The following PDSS2 variants were observed in gnomAD, a reference collection of about 807,000 sequenced individuals.
The protein encoded by PDSS2 is all trans-polyprenyl-diphosphate synthase PDSS2.
A neutral mutation model predicts 44.5 loss-of-function variants in PDSS2; 31 were observed. The observed-to-expected ratio is 0.70, with a 90% CI of 0.52 to 0.94. The LOEUF (loss-of-function observed/expected upper bound fraction) is 0.94, where lower values mean the gene tolerates loss of function less well. Ranked by LOEUF, PDSS2 falls within the 40% of genes least tolerant of loss-of-function variation. The probability of loss-of-function intolerance (pLI) is 0.00; values close to 1 mark genes in which losing one functional copy is unlikely to be tolerated. For missense variants in PDSS2, 452 were observed against 482.2 expected, an observed-to-expected ratio of 0.94 and a Z score of 0.59; for synonymous variants, 157 against 180.3, an observed-to-expected ratio of 0.87 and a Z score of 1.03.
At chr6:107,225,462 C>T (rs150160472) in intron 4 of PDSS2, among the ~76,000 whole-genome samples, 2 of 151,702 alleles carry the variant, frequency 1.3e-5, no homozygotes, top group Non-Finnish European at 2.9e-5. Context: ...TCTTCACTAT[C>T]TTTTATAACC....
chr6:107,404,632 T>C (rs767023023), intron 1 of PDSS2, among the ~76,000 whole-genome samples: 11 of 152,264 alleles, frequency 7.2e-5, no homozygotes, highest in Admixed American at 4.6e-4. Context: ...GGAACTGCCA[T>C]TTATAAAACC....
intron 1 of PDSS2, among the ~76,000 whole-genome samples, chr6:107,344,953 A>G (rs1778194811): frequency 6.6e-6 from 1 of 152,118 alleles, no homozygotes; most frequent in African/African-American, 2.4e-5. Flanking sequence ...GTCACACTGA[A>G]AACTCTCAAA....
chr6:107,160,532 T>G (rs956892433), intron 7 of PDSS2, among the ~76,000 whole-genome samples: 4 of 150,886 alleles, frequency 2.7e-5, no homozygotes, highest in African/African-American at 9.8e-5. Flanking sequence ...TTTTTTTTTT[T>G]GTAGAGACAC....
chr6:107,373,844 C>T (rs1779200070), intron 1 of PDSS2, among the ~76,000 whole-genome samples: 1 of 152,178 alleles, frequency 6.6e-6, no homozygotes, highest in African/African-American at 2.4e-5. Flanking sequence ...TCTAGCATGG[C>T]CCTCTGCTCC....
In PDSS2 at chr6:107,158,374, G is replaced by A. The variant is rs573828951; in HGVS notation, c.1042-3597C>T. Among the ~76,000 whole-genome samples the A allele has an allele frequency of 1.5e-4, 23 of 151,718 alleles. 1 individual carries two copies. The highest frequency in any genetic ancestry group is 2.9e-4 in the Non-Finnish European group (20 of 67,948). On this transcript the variant is annotated intron_variant, in intron 7 of 7. Transcript: ENST00000369037. ...TAATTTTTTTATTTTTAGTGGAGAC[G>A]GGGTTTCTCCATCTTGGCCAGGCTG...
At chr6:107,312,591 G>A (rs1347805895) in intron 2 of PDSS2, among the ~76,000 whole-genome samples, 3 of 152,148 alleles carry the variant, frequency 2.0e-5, no homozygotes, top group African/African-American at 7.2e-5. Flanking sequence ...GATTCAGTGA[G>A]CTGACACATG....
intron 7 of PDSS2, among the ~76,000 whole-genome samples, chr6:107,182,701 G>A: frequency 6.6e-6 from 1 of 152,084 alleles, no homozygotes; most frequent in South Asian, 2.1e-4. Flanking sequence ...ACTGATCAGT[G>A]ATTATTTTTC....
At chr6:107,254,593 A>T (rs1355119263) in intron 3 of PDSS2, among the ~76,000 whole-genome samples, 1 of 152,214 alleles carries the variant, frequency 6.6e-6, no homozygotes, top group Non-Finnish European at 1.5e-5. Context: ...TGTTGTACTC[A>T]GGATATACCA....
rs1772086259 is a variant in PDSS2 at position 107,184,187 on chromosome 6, A to T, written c.1041+9635T>A. Among the ~76,000 whole-genome samples, 5 of 152,278 alleles carry T rather than the reference A, an allele frequency of 3.3e-5. No homozygotes were observed. In the South Asian group the frequency reaches 1.0e-3, roughly 32 times the overall value. On this transcript the variant is annotated intron_variant, in intron 7 of 7. Coordinates refer to ENST00000369037, the MANE Select transcript of PDSS2 (RefSeq NM_020381.4). ...GGTACAGGAAAGAGAAAACACAGCA[A>T]CAACTGTTTTCTAAATGTGCCAATG...
intron 2 of PDSS2, among the ~76,000 whole-genome samples, chr6:107,294,352 T>C (rs995737850): frequency 2.6e-5 from 4 of 152,096 alleles, no homozygotes; most frequent in South Asian, 2.1e-4. Flanking sequence ...TCCCCCCAAA[T>C]ACTTCACCAA....
At chr6:107,458,345 C>T (rs1374580810) in intron 1 of PDSS2, among the ~76,000 whole-genome samples, 16 of 141,256 alleles carry the variant, frequency 1.1e-4, no homozygotes, top group African/African-American at 4.2e-4. Context: ...CAAAATTAGC[C>T]GGACGTGGTG....
chr6:107,426,551 G>A (rs372904525), intron 1 of PDSS2, among the ~76,000 whole-genome samples: 4 of 152,230 alleles, frequency 2.6e-5, no homozygotes, highest in African/African-American at 4.8e-5. Context: ...ACCCCAGAAC[G>A]GTAGATCCAC....
intron 1 of PDSS2, among the ~76,000 whole-genome samples, chr6:107,445,237 A>G (rs953070895): frequency 2.6e-5 from 4 of 151,968 alleles, no homozygotes; most frequent in Admixed American, 2.6e-4. Context: ...AGTTAGGGAA[A>G]CAGTAATAAA....
At chr6:107,264,259 G>A (rs1775339647) in intron 3 of PDSS2, 3 of 1,342,556 alleles carry the variant, frequency 2.2e-6, no homozygotes, top group African/African-American at 1.5e-5. Flanking sequence ...GAGCATATTT[G>A]TACAAACAAA....
At chr6:107,193,546 A>T (rs1193400054) in intron 7 of PDSS2, among the ~76,000 whole-genome samples, 3 of 151,732 alleles carry the variant, frequency 2.0e-5, no homozygotes, top group Non-Finnish European at 4.4e-5. Context: ...GATTTTCCCC[A>T]CTAGAATTGT....
At chr6:107,404,826 G>C (rs921172193) in intron 1 of PDSS2, among the ~76,000 whole-genome samples, 2 of 151,940 alleles carry the variant, frequency 1.3e-5, no homozygotes, top group Non-Finnish European at 2.9e-5. Context: ...TATTCCTGAG[G>C]GAGAGGAAAA....
chr6:107,171,625 C>T (rs1771580898), intron 7 of PDSS2, among the ~76,000 whole-genome samples: 1 of 152,024 alleles, frequency 6.6e-6, no homozygotes, highest in Non-Finnish European at 1.5e-5. Flanking sequence ...ATCTTCCCAC[C>T]TTAGCCTTCC....
chr6:107,210,287 C>G, intron 6 of PDSS2, 152 bp downstream of exon 6: 1 of 667,040 alleles, frequency 1.5e-6, no homozygotes, highest in Non-Finnish European at 2.6e-6. Flanking sequence ...TCTTTTACCT[C>G]TTAAAAACGA....
chr6:107,294,847 T>G (rs1484735702), intron 2 of PDSS2, among the ~76,000 whole-genome samples: 1 of 152,142 alleles, frequency 6.6e-6, no homozygotes, highest in Non-Finnish European at 1.5e-5. Context: ...CCTCATTGCC[T>G]CCCTAAAGAA....
Sources: gnomAD v4.1 joint callset for allele counts (sites outside exome capture counted in the v4.1 genomes callset) on GRCh38, gnomAD v4.1.1 for gene constraint, MANE v1.5 for transcripts, NCBI Gene and HGNC (gene_info 2026-07-23, HGNC 2026-07-21) for gene names.